Variants in LAMC3 observed in about 807,000 individuals in gnomAD.
The protein encoded by LAMC3 is laminin subunit gamma-3.
Under a neutral mutation model 173.8 loss-of-function variants are expected in LAMC3, and 128 were observed. That is an observed-to-expected ratio of 0.74 (90% CI 0.64 to 0.85). LAMC3 has a LOEUF of 0.85. Ranked by LOEUF, LAMC3 falls within the 40% of genes least tolerant of loss-of-function variation. LAMC3 has a pLI of 0.00. For missense variants in LAMC3, 2,022 were observed against 2,156.0 expected, an observed-to-expected ratio of 0.94 and a Z score of 1.23; for synonymous variants, 897 against 909.1, an observed-to-expected ratio of 0.99 and a Z score of 0.24.
chr9:131,009,642 G>A lies in LAMC3; in HGVS notation c.373+55G>A. ...CACCCCGTGTCCCCACTCCACTGGG[G>A]GTCTGAGGCTGAGGCCTGAGCTGCT... On this transcript the variant is annotated intron_variant, in intron 1 of 27. Transcript: ENST00000361069. This position sits in a 1 kb window ranked among gnomAD's most constrained non-coding sequence, Gnocchi z 4.3. 1 of 1,541,642 alleles carries A rather than the reference G, an allele frequency of 6.5e-7. No homozygotes were observed. The highest frequency in any genetic ancestry group is 8.7e-7 in the Non-Finnish European group (1 of 1,145,500).
At chr9:131,088,782 A>G (rs760160925) in intron 27 of LAMC3, among the ~76,000 whole-genome samples, 3 of 151,714 alleles carry the variant, frequency 2.0e-5, no homozygotes, top group Non-Finnish European at 2.9e-5. Context: ...TTCTGTCTCT[A>G]TGAATTTGAC....
intron 1 of LAMC3, among the ~76,000 whole-genome samples, chr9:131,018,233 C>A (rs186387696): frequency 6.6e-6 from 1 of 150,480 alleles, no homozygotes; most frequent in South Asian, 2.1e-4. Flanking sequence ...CTCCTACGTT[C>A]GAGCGATTCT....
intron 23 of LAMC3, among the ~76,000 whole-genome samples, chr9:131,079,840 C>T (rs1830205730): frequency 6.6e-6 from 1 of 152,086 alleles, no homozygotes; most frequent in Non-Finnish European, 1.5e-5. Flanking sequence ...CAGCAGCACC[C>T]GGGGCCACAC....
intron 20 of LAMC3, among the ~76,000 whole-genome samples, chr9:131,074,560 G>A (rs1196668295): frequency 1.8e-4 from 27 of 147,962 alleles, no homozygotes; most frequent in Non-Finnish European, 1.5e-5. Context: ...GCCAGGCATG[G>A]TGGCACACAC....
rs1435696095 is a variant in LAMC3, at chr9:131,080,190, G to A, written c.3927+892G>A. Among the ~76,000 whole-genome samples the A allele has an allele frequency of 2.0e-5, 3 of 151,506 alleles. No homozygotes were observed. In the East Asian group the frequency reaches 5.8e-4, roughly 29 times the overall value. ...GGGGTTTCACTGTGTTGGCCAGGCT[G>A]GTCTCGAACTCCTGGCCTTAAGTGA... On this transcript the variant is annotated intron_variant, in intron 23 of 27. Transcript: ENST00000361069.
At chr9:131,033,007 G>A (rs991676198) in intron 3 of LAMC3, among the ~76,000 whole-genome samples, 2 of 152,192 alleles carry the variant, frequency 1.3e-5, no homozygotes, top group East Asian at 1.9e-4. Context: ...AGAGAAAGGC[G>A]CTTCTCTCTG....
intron 8 of LAMC3, among the ~76,000 whole-genome samples, 199 bp downstream of exon 8, chr9:131,045,859 T>G (rs1227915526): frequency 2.0e-5 from 3 of 152,214 alleles, no homozygotes; most frequent in Non-Finnish European, 4.4e-5. Flanking sequence ...CCCCAGTCCC[T>G]GACTCTTCTC....
chr9:131,055,970 G>A (rs1218219501), intron 11 of LAMC3, among the ~76,000 whole-genome samples: 1 of 152,064 alleles, frequency 6.6e-6, no homozygotes, highest in African/African-American at 2.4e-5. Context: ...GGCTGAGACA[G>A]GAGTCCTTGA....
rs1383722174 is a variant in LAMC3, at chr9:131,038,987, G to A, written c.1100G>A (p.Cys367Tyr). ...DHTAGPHCER[C>Y]QENFYHWDPR... is the part of the protein sequence containing the mutation. ...ACAGCTGGGCCACACTGTGAGCGCT[G>A]TCAGGAGAATTTCTATCACTGGGAC... Residue 367 changes from cysteine to tyrosine, a missense_variant, in exon 5 of 28, where the codon TGT (cysteine) becomes TAT (tyrosine). Coordinates refer to ENST00000361069, the MANE Select transcript of LAMC3 (RefSeq NM_006059.4). 4 of 1,613,500 alleles carry A rather than the reference G, an allele frequency of 2.5e-6. No individual in the cohort carries two copies. The highest frequency in any genetic ancestry group is 3.4e-6 in the Non-Finnish European group (4 of 1,180,036).
At chr9:131,025,456 TGGGTGTCGG>T (rs1218042001) in intron 1 of LAMC3, among the ~76,000 whole-genome samples, 3 of 151,478 alleles carry the variant, frequency 2.0e-5, no homozygotes, top group Admixed American at 1.3e-4. Context: ...ATCCTCCAGC[TGGGTGTCGG>T]GGGCATGTGG....
chr9:131,042,164 G>T (rs1834069013), intron 7 of LAMC3, among the ~76,000 whole-genome samples: 1 of 149,928 alleles, frequency 6.7e-6, no homozygotes, highest in Non-Finnish European at 1.5e-5. Context: ...ACTATCACAG[G>T]CCTCCCGTTT....
intron 1 of LAMC3, among the ~76,000 whole-genome samples, chr9:131,013,910 G>T (rs189285898): frequency 2.0e-5 from 3 of 152,236 alleles, no homozygotes; most frequent in Non-Finnish European, 4.4e-5. Context: ...TCTTCCTGTC[G>T]AGTGGGCGGC....
chr9:131,078,219 C>T (rs1181693213), intron 22 of LAMC3, among the ~76,000 whole-genome samples: 5 of 152,104 alleles, frequency 3.3e-5, no homozygotes, highest in Non-Finnish European at 7.4e-5. Flanking sequence ...TGGCCGGGCG[C>T]GGTGGCTCAC....
At chr9:131,078,116 T>C (rs1007112171) in intron 22 of LAMC3, among the ~76,000 whole-genome samples, 1 of 152,192 alleles carries the variant, frequency 6.6e-6, no homozygotes, top group African/African-American at 2.4e-5. Flanking sequence ...CATCGCCTTA[T>C]ACTCATCACC....
Position 131,036,322 on chromosome 9 carries a change from C to CGAGTGTCTGCGT in LAMC3, c.976_976+11dup. On this transcript the variant is annotated inframe_insertion, in exon 4 of 28. Coordinates refer to ENST00000361069, the MANE Select transcript of LAMC3 (RefSeq NM_006059.4). ...CCCGGGGCACCGCCGAGGCTGCCCA[C>CGAGTGTCTGCGT]GAGTGTCTGCGTGAGTGTCTGAGTG... 3 of 1,612,878 alleles carry CGAGTGTCTGCGT rather than the reference C, an allele frequency of 1.9e-6. No homozygotes were observed. The highest frequency in any genetic ancestry group is 2.5e-6 in the Non-Finnish European group (3 of 1,179,686).
At chr9:131,055,297 T>C (rs1461788069) in intron 11 of LAMC3, among the ~76,000 whole-genome samples, 1 of 152,122 alleles carries the variant, frequency 6.6e-6, no homozygotes, top group Non-Finnish European at 1.5e-5. Flanking sequence ...ATTTTCATAT[T>C]TTGCCCAGAG....
intron 21 of LAMC3, 81 bp from the exon 22 acceptor site, chr9:131,077,106 C>CAGTG (rs1457858628): frequency 6.3e-7 from 1 of 1,588,740 alleles, no homozygotes; most frequent in African/African-American, 1.3e-5. Context: ...CTTTGCAAAC[C>CAGTG]AGTGGCTCCA....
intron 13 of LAMC3, among the ~76,000 whole-genome samples, chr9:131,064,273 T>C (rs879326772): frequency 3.3e-5 from 5 of 152,214 alleles, no homozygotes; most frequent in Admixed American, 6.5e-5. Context: ...ACAACTATTC[T>C]TCACAATGGC....
intron 25 of LAMC3, 81 bp from the exon 26 acceptor site, chr9:131,087,395 T>A: frequency 6.5e-7 from 1 of 1,528,112 alleles, no homozygotes; most frequent in Non-Finnish European, 9.1e-7. Flanking sequence ...CTGCTTGGCA[T>A]CATTGCCATA....
Sources: gnomAD v4.1 joint callset for allele counts (sites outside exome capture counted in the v4.1 genomes callset) on GRCh38, gnomAD v4.1.1 for gene constraint, Gnocchi (gnomAD v3.1) non-coding constraint, MANE v1.5 for transcripts, NCBI Gene and HGNC (gene_info 2026-07-23, HGNC 2026-07-21) for gene names.